The following HPSE2 variants were observed in gnomAD, a reference collection of about 807,000 sequenced individuals.
HPSE2 encodes inactive heparanase-2.
In HPSE2, 38 loss-of-function variants were observed where a neutral mutation model predicts 60.5. The ratio of observed to expected loss-of-function variants is 0.63; its 90% CI spans 0.48 to 0.82. The LOEUF (loss-of-function observed/expected upper bound fraction) is 0.82. Ranked by LOEUF, HPSE2 falls within the 40% of genes least tolerant of loss-of-function variation. HPSE2 has a pLI of 0.00. For synonymous variants in HPSE2, 295 were observed against 293.2 expected (o/e 1.01, Z -0.06); for missense variants, 713 against 740.4 (o/e 0.96, Z 0.43).
At chr10:98,547,321 C>G (rs1169706426) in intron 9 of HPSE2, among the ~76,000 whole-genome samples, 2 of 141,988 alleles carry the variant, frequency 1.4e-5, no homozygotes, top group East Asian at 4.5e-4. Flanking sequence ...ACCCAAAGGA[C>G]TATAAATCAT....
At chr10:98,688,465 C>T (rs369088301) in intron 6 of HPSE2, among the ~76,000 whole-genome samples, 42 of 103,796 alleles carry the variant, frequency 4.0e-4, no homozygotes, top group East Asian at 5.7e-4. Context: ...TTTAGCATTT[C>T]TTTTTTTTTT....
At chr10:99,182,400 G>C (rs1199789019) in intron 2 of HPSE2, among the ~76,000 whole-genome samples, 1 of 152,134 alleles carries the variant, frequency 6.6e-6, no homozygotes, top group Non-Finnish European at 1.5e-5. Context: ...TAAAAGCCAG[G>C]TATCCAGACT....
At chr10:98,554,797 G>A (rs952946244) in intron 9 of HPSE2, among the ~76,000 whole-genome samples, 1 of 152,162 alleles carries the variant, frequency 6.6e-6, no homozygotes, top group African/African-American at 2.4e-5. Context: ...GTTCTGCCTT[G>A]GGTAGGTCAT....
intron 3 of HPSE2, among the ~76,000 whole-genome samples, chr10:99,091,394 T>C (rs1843507975): frequency 6.6e-6 from 1 of 152,154 alleles, no homozygotes; most frequent in Non-Finnish European, 1.5e-5. Flanking sequence ...ACTTAGTTGG[T>C]ACCTGCAGAG....
At chr10:99,093,593 C>CT (rs1239082426) in intron 3 of HPSE2, among the ~76,000 whole-genome samples, 1 of 152,122 alleles carries the variant, frequency 6.6e-6, no homozygotes, top group Non-Finnish European at 1.5e-5. Flanking sequence ...AAGATGGTGC[C>CT]TTGCATGCTG....
At chr10:98,597,705 T>C (rs1375033082) in intron 9 of HPSE2, among the ~76,000 whole-genome samples, 2 of 149,750 alleles carry the variant, frequency 1.3e-5, no homozygotes, top group African/African-American at 4.9e-5. Context: ...TCCGCATGTG[T>C]TGACTTACAC....
chr10:98,582,786 G>A (rs1944836525), intron 9 of HPSE2, among the ~76,000 whole-genome samples: 2 of 152,048 alleles, frequency 1.3e-5, no homozygotes, highest in South Asian at 4.1e-4. Flanking sequence ...CACCCATTTA[G>A]TGTTTATAAC....
At chr10:99,223,827 G>A (rs895920562) in intron 2 of HPSE2, among the ~76,000 whole-genome samples, 19 of 152,018 alleles carry the variant, frequency 1.2e-4, no homozygotes, top group Non-Finnish European at 2.6e-4. Context: ...AGAGAAAGAG[G>A]GAAATTAATG....
At chr10:98,817,039 T>C (rs1434046766) in intron 3 of HPSE2, among the ~76,000 whole-genome samples, 2 of 152,086 alleles carry the variant, frequency 1.3e-5, no homozygotes, top group African/African-American at 2.4e-5. Flanking sequence ...GCACCCTCAA[T>C]TGTAAGTCTT....
At chr10:99,120,432 C>G (rs964669459) in intron 3 of HPSE2, among the ~76,000 whole-genome samples, 2 of 151,972 alleles carry the variant, frequency 1.3e-5, no homozygotes, top group African/African-American at 4.8e-5. Context: ...TCCATATCCT[C>G]TCCTGCATCT....
chr10:99,071,843 T>G (rs1842800218), intron 3 of HPSE2, among the ~76,000 whole-genome samples: 1 of 152,198 alleles, frequency 6.6e-6, no homozygotes, highest in Admixed American at 6.5e-5. Flanking sequence ...CATTGCCTAT[T>G]CTTGGCACAG....
At chr10:98,484,348 C>T (rs941370432) in intron 10 of HPSE2, among the ~76,000 whole-genome samples, 1 of 152,212 alleles carries the variant, frequency 6.6e-6, no homozygotes, top group African/African-American at 2.4e-5. Context: ...GGCAATTCTC[C>T]TGCCTCAGCC....
At chr10:99,264,330 G>A in the HPSE2 span, among the ~76,000 whole-genome samples, 9 of 151,964 alleles carry the variant, frequency 5.9e-5, no homozygotes, top group South Asian at 6.2e-4. Flanking sequence ...CTTGTGATCC[G>A]CCCGCCTCAG....
chr10:98,592,231 T>C (rs1366733050), intron 9 of HPSE2, among the ~76,000 whole-genome samples: 2 of 152,224 alleles, frequency 1.3e-5, no homozygotes, highest in African/African-American at 2.4e-5. Context: ...ATAACCAAAG[T>C]GAAGACCTTG....
chr10:99,242,104 G>T, the HPSE2 span, among the ~76,000 whole-genome samples: 29 of 152,308 alleles, frequency 1.9e-4, no homozygotes, highest in Admixed American at 1.8e-3. Context: ...GACAGTACAA[G>T]AGAACCCTGG....
rs561046798 is a variant in HPSE2, at chr10:99,150,580, C to A, written c.449-6181G>T. On this transcript the variant is annotated intron_variant, in intron 2 of 11. Coordinates refer to ENST00000370552, the MANE Select transcript of HPSE2 (RefSeq NM_021828.5). ...AAACAATCCTCCCGCCTCAGCCTCC[C>A]AAAGAGCTGGGATTACAGGCATGAG... Among the ~76,000 whole-genome samples the A allele has an allele frequency of 5.9e-5, 9 of 152,312 alleles. 1 individual carries two copies. In the South Asian group the frequency reaches 1.9e-3, roughly 32 times the overall value.
At chr10:98,519,573 G>C (rs575656446) in intron 9 of HPSE2, among the ~76,000 whole-genome samples, 1 of 152,384 alleles carries the variant, frequency 6.6e-6, no homozygotes, top group African/African-American at 2.4e-5. Flanking sequence ...TTCTTGGCAG[G>C]CTGCAGAAGC....
At chr10:98,770,624 G>T (rs909299199) in intron 3 of HPSE2, among the ~76,000 whole-genome samples, 2 of 152,076 alleles carry the variant, frequency 1.3e-5, no homozygotes, top group Non-Finnish European at 2.9e-5. Context: ...AAATGCCCTA[G>T]TCTAAGATGC....
chr10:98,895,853 C>T (rs1202254172), intron 3 of HPSE2, among the ~76,000 whole-genome samples: 1 of 144,870 alleles, frequency 6.9e-6, no homozygotes, highest in Admixed American at 7.2e-5. Context: ...CCAAACACTG[C>T]ATGTTCTCAC....
Sources: gnomAD v4.1 joint callset for allele counts (sites outside exome capture counted in the v4.1 genomes callset) on GRCh38, gnomAD v4.1.1 for gene constraint, MANE v1.5 for transcripts, NCBI Gene and HGNC (gene_info 2026-07-23, HGNC 2026-07-21) for gene names.